The following TOMM34 variants were observed in gnomAD, a reference collection of about 807,000 sequenced individuals.
TOMM34 encodes mitochondrial import receptor subunit TOM34.
A neutral mutation model predicts 37.4 loss-of-function variants in TOMM34; 24 were observed. The ratio of observed to expected loss-of-function variants is 0.64; its 90% confidence interval spans 0.46 to 0.90. The LOEUF (loss-of-function observed/expected upper bound fraction) is 0.90. TOMM34 is among the 40% of genes least tolerant of loss of function. The pLI is 0.00. For missense variants in TOMM34, 304 were observed against 375.6 expected, an observed-to-expected ratio of 0.81 and a Z score of 1.58; for synonymous variants, 154 against 148.9, an observed-to-expected ratio of 1.03 and a Z score of -0.25.
chr20:44,949,699 G>A (rs1333199934), intron 4 of TOMM34, among the ~76,000 whole-genome samples: 2 of 152,166 alleles, frequency 1.3e-5, no homozygotes, highest in East Asian at 3.8e-4. Flanking sequence ...TCATTGCCTG[G>A]TTTAAGAAAA....
intron 5 of TOMM34, 100 bp from the exon 6 acceptor site, chr20:44,943,679 T>G: frequency 6.6e-7 from 1 of 1,525,266 alleles, no homozygotes; most frequent in East Asian, 2.3e-5. Flanking sequence ...GCTGAACACC[T>G]ACTCTGTGCT....
chr20:44,944,157 T>C (rs373966712), intron 5 of TOMM34, among the ~76,000 whole-genome samples: 2 of 152,234 alleles, frequency 1.3e-5, no homozygotes, highest in South Asian at 2.1e-4. Context: ...GGTCTATGGG[T>C]GTTCAATGTA....
chr20:44,956,631 G>T, intron 1 of TOMM34, 146 bp from the exon 2 acceptor site: 2 of 693,412 alleles, frequency 2.9e-6, no homozygotes, highest in Non-Finnish European at 4.7e-6. Context: ...GGTCTGCTGG[G>T]CTGGCGTGTT....
At chr20:44,943,358 G>C (rs2066952245) in intron 6 of TOMM34, 95 bp downstream of exon 6, 1 of 1,597,668 alleles carries the variant, frequency 6.3e-7, no homozygotes, top group African/African-American at 1.3e-5. Context: ...AAAAGCTGCA[G>C]ATATTGTCTC....
chr20:44,947,819 AAG>A (rs983432359), intron 5 of TOMM34, among the ~76,000 whole-genome samples: 1 of 152,200 alleles, frequency 6.6e-6, no homozygotes, highest in African/African-American at 2.4e-5. Context: ...ATTTTATCTC[AAG>A]AGTTTGGAAT....
rs2066949618 is a variant in TOMM34 at position 44,943,122 on chromosome 20, T to C, written c.917A>G (p.Gln306Arg). 1 of 1,614,182 alleles carries C rather than the reference T, an allele frequency of 6.2e-7. No homozygotes were observed. The highest frequency in any genetic ancestry group is 8.5e-7 in the Non-Finnish European group (1 of 1,180,030). The change falls in exon 7 of 7, where the codon CAG (glutamine) becomes CGG (arginine). Residue 306 changes from glutamine (Q) to arginine (R), a missense_variant. Physicochemically the swap from Gln to Arg is conservative, Grantham distance 43 (BLOSUM62 1). Coordinates refer to ENST00000372813, the MANE Select transcript of TOMM34 (RefSeq NM_006809.5). ...PAQKLRQEVKQNLH is the reference protein window; with the variant it reads ...PAQKLRQEVKRNLH ...CCTGTTGGGTTTTTAGTGTAGGTTC[T>C]GCTTCACTTCCTGCCGCAACTTCTG...
chr20:44,958,548 C>T (rs1156368561), intron 1 of TOMM34: 1 of 332,906 alleles, frequency 3.0e-6, no homozygotes, highest in South Asian at 2.4e-5. Context: ...GATATCACTT[C>T]ATAGACTTGC....
chr20:44,944,572 C>T (rs2066964685), intron 5 of TOMM34, among the ~76,000 whole-genome samples: 1 of 152,138 alleles, frequency 6.6e-6, no homozygotes, highest in African/African-American at 2.4e-5. Flanking sequence ...CCTGACTGGC[C>T]AGGTGCAGTG....
chr20:44,948,763 C>A lies in TOMM34; in HGVS notation c.665G>T (p.Cys222Phe), dbSNP rs530076155. The change falls in exon 5 of 7, where the codon TGT (cysteine) becomes TTT (phenylalanine). Residue 222 changes from cysteine (C) to phenylalanine (F), a missense_variant. Transcript: ENST00000372813. ...AIEKYSESLLCSNLESATYSN... is the reference protein window; with the variant it reads ...AIEKYSESLLFSNLESATYSN... ...GTACGTGGCAGATTCCAGGTTACTA[C>A]ACAAGAGGCTTTCACTGTACTTCTC... is the stretch of plus-strand genomic sequence containing the variant. The A allele has an allele frequency of 1.2e-6, 2 of 1,614,172 alleles. No homozygotes were observed. The highest frequency in any genetic ancestry group is 1.7e-6 in the Non-Finnish European group (2 of 1,180,000).
intron 4 of TOMM34, 43 bp from the exon 5 acceptor site, chr20:44,948,920 C>G: frequency 6.2e-7 from 1 of 1,603,494 alleles, no homozygotes; most frequent in Non-Finnish European, 8.5e-7. Flanking sequence ...TGGAGCAGCA[C>G]CCAACTGAGA....
chr20:44,955,253 G>A (rs747180585), intron 2 of TOMM34, 33 bp from the exon 3 acceptor site: 192 of 1,607,640 alleles, frequency 1.2e-4, no homozygotes, highest in Non-Finnish European at 1.6e-4. Context: ...CAACTGGCTG[G>A]CTGCTGAGCC....
At position 44,955,259 on chromosome 20, in the gene TOMM34, G is replaced by C. The variant is rs2234202; in HGVS notation, c.228-39C>G. ...CAAAAATGTCAACTGGCTGGCTGCT[G>C]AGCCACCAGGGTTTCCCTACAGTTT... On this transcript the variant is annotated intron_variant, in intron 2 of 6. Transcript: ENST00000372813. 10,866 of 1,605,488 alleles carry C rather than the reference G, an allele frequency of 6.8e-3. 69 individuals are homozygous for C. The highest frequency in any genetic ancestry group is 7.4e-3 in the Non-Finnish European group (8,703 of 1,175,272).
In TOMM34 at chr20:44,951,928, A is replaced by G. The variant is rs766165835; in HGVS notation, c.455T>C (p.Val152Ala). ...LKLPSIPLVP[V>A]SAQKRWNSLP... ...GGAATTCCACCTCTTCTGAGCTGAAACAGGCACCAAGGGGATTGAGGGCAG... is the reference window on the plus strand; with the variant it reads ...GGAATTCCACCTCTTCTGAGCTGAAGCAGGCACCAAGGGGATTGAGGGCAG... Residue 152 changes from valine (V) to alanine (A), a missense_variant, in exon 4 of 7, where the codon GTT becomes GCT. Transcript: ENST00000372813. 7 of 1,613,998 alleles carry G rather than the reference A, an allele frequency of 4.3e-6. No individual in the cohort carries two copies. Among genetic ancestry groups the G allele is most frequent in the Non-Finnish European group, 5.9e-6 (7 of 1,179,980 alleles).
At chr20:44,958,202 T>C (rs930664982) in intron 1 of TOMM34, 3 of 376,348 alleles carry the variant, frequency 8.0e-6, no homozygotes, top group African/African-American at 2.1e-5. Context: ...TATTAAAGCA[T>C]TTCCTAAGAG....
intron 3 of TOMM34, 142 bp from the exon 4 acceptor site, chr20:44,952,144 C>A: frequency 1.1e-6 from 1 of 906,360 alleles, no homozygotes; most frequent in Non-Finnish European, 1.6e-6. Context: ...CTCTTTAGCT[C>A]CTCCAACACG....
chr20:44,947,821 G>A (rs1019895177), intron 5 of TOMM34, among the ~76,000 whole-genome samples: 2 of 152,160 alleles, frequency 1.3e-5, no homozygotes, highest in Non-Finnish European at 2.9e-5. Flanking sequence ...TTTATCTCAA[G>A]AGTTTGGAAT....
At chr20:44,959,853 A>C (rs1230179164) in intron 1 of TOMM34, 3 of 912,598 alleles carry the variant, frequency 3.3e-6, no homozygotes, top group Non-Finnish European at 3.9e-6. Flanking sequence ...CCGCCCCCAC[A>C]AGAATGCGCT....
At chr20:44,943,617 CT>C in intron 5 of TOMM34, 38 bp from the exon 6 acceptor site, 1 of 1,612,646 alleles carries the variant, frequency 6.2e-7, no homozygotes, top group South Asian at 1.1e-5. Flanking sequence ...TCAGTCACGT[CT>C]TATGGGCCAC....
At chr20:44,955,345 A>G (rs2067062578) in intron 2 of TOMM34, 125 bp from the exon 3 acceptor site, 5 of 1,274,618 alleles carry the variant, frequency 3.9e-6, no homozygotes, top group Middle Eastern at 2.1e-4. Flanking sequence ...GCCGAGAGAC[A>G]TGGCTAAAAA....
Sources: gnomAD v4.1 joint callset for allele counts (sites outside exome capture counted in the v4.1 genomes callset) on GRCh38, gnomAD v4.1.1 for gene constraint, MANE v1.5 for transcripts, NCBI Gene and HGNC (gene_info 2026-07-23, HGNC 2026-07-21) for gene names.